The following PTPRT variants were observed in gnomAD, a reference collection of about 807,000 sequenced individuals.
PTPRT encodes the protein receptor-type tyrosine-protein phosphatase T.
In PTPRT, 56 loss-of-function variants were observed where a neutral mutation model predicts 176.8. That is an observed-to-expected ratio of 0.32 (90% CI 0.26 to 0.40). The LOEUF is 0.40. PTPRT is among the 10% of genes least tolerant of loss of function. PTPRT has a pLI of 1.00. For missense variants in PTPRT, 1,540 were observed against 1,908.2 expected (o/e 0.81, Z 3.60); for synonymous variants, 783 against 739.0 (o/e 1.06, Z -0.96).
At chr20:42,205,530 T>A (rs1302719942) in intron 15 of PTPRT, among the ~76,000 whole-genome samples, 1 of 152,108 alleles carries the variant, frequency 6.6e-6, no homozygotes, top group Non-Finnish European at 1.5e-5. Flanking sequence ...AAAGAGGTGG[T>A]GGAGGATCCC....
chr20:43,102,518 G>A (rs1024876362), intron 1 of PTPRT, among the ~76,000 whole-genome samples: 5 of 152,246 alleles, frequency 3.3e-5, no homozygotes, highest in Middle Eastern at 3.4e-3. Context: ...GTATGACAGC[G>A]TCAGTGAGCC....
At chr20:42,895,500 C>A (rs2079279674) in intron 1 of PTPRT, among the ~76,000 whole-genome samples, 1 of 152,164 alleles carries the variant, frequency 6.6e-6, no homozygotes, top group African/African-American at 2.4e-5. Context: ...ATCACATGCA[C>A]AGTCCACGCA....
intron 11 of PTPRT, among the ~76,000 whole-genome samples, chr20:42,318,180 C>T (rs75223843): frequency 2.6e-5 from 4 of 152,112 alleles, no homozygotes; most frequent in East Asian, 1.9e-4. Context: ...AGTCAATAAA[C>T]GTTTAAATTA....
At chr20:42,382,610 G>T (rs1279082050) in intron 9 of PTPRT, among the ~76,000 whole-genome samples, 5 of 152,146 alleles carry the variant, frequency 3.3e-5, no homozygotes, top group Non-Finnish European at 7.3e-5. Context: ...GGAAAACAGG[G>T]GGAGAAGGGG....
At chr20:42,125,567 C>T (rs1211340785) in intron 19 of PTPRT, among the ~76,000 whole-genome samples, 1 of 152,202 alleles carries the variant, frequency 6.6e-6, no homozygotes, top group Non-Finnish European at 1.5e-5. Context: ...GGGCAGAGAA[C>T]TGAAGTTCAG....
At chr20:43,078,763 T>C (rs2146284135) in intron 1 of PTPRT, among the ~76,000 whole-genome samples, 1 of 152,336 alleles carries the variant, frequency 6.6e-6, no homozygotes, top group African/African-American at 2.4e-5. Flanking sequence ...CACAACCAGT[T>C]GCAATATTAA....
intron 1 of PTPRT, among the ~76,000 whole-genome samples, chr20:42,973,586 C>G (rs1982781465): frequency 6.6e-6 from 1 of 152,126 alleles, no homozygotes. Context: ...CGACCTCAGC[C>G]CCTTTTCCCA....
intron 1 of PTPRT, among the ~76,000 whole-genome samples, chr20:43,037,464 G>C (rs1166147257): frequency 6.6e-6 from 1 of 152,190 alleles, no homozygotes; most frequent in African/African-American, 2.4e-5. Context: ...TTCATAAACT[G>C]ATCTACAGCC....
intron 1 of PTPRT, among the ~76,000 whole-genome samples, chr20:43,088,149 CA>C (rs1210114096): frequency 1.3e-5 from 2 of 152,126 alleles, no homozygotes; most frequent in African/African-American, 2.4e-5. Flanking sequence ...TAAATATGTA[CA>C]GTTATTATGT....
intron 1 of PTPRT, among the ~76,000 whole-genome samples, chr20:42,952,073 CGAGA>C (rs1467157599): frequency 6.6e-6 from 1 of 152,174 alleles, no homozygotes; most frequent in African/African-American, 2.4e-5. Context: ...GTCAGAAGGT[CGAGA>C]GAGACTCAAA....
chr20:42,094,707 T>C (rs916594787), intron 27 of PTPRT, among the ~76,000 whole-genome samples: 3 of 152,254 alleles, frequency 2.0e-5, no homozygotes, highest in South Asian at 2.1e-4. Context: ...CTGGCCAACA[T>C]TGGGAAACCC....
intron 2 of PTPRT, among the ~76,000 whole-genome samples, chr20:42,852,925 G>C (rs1421137972): frequency 1.4e-5 from 2 of 141,892 alleles, no homozygotes; most frequent in Non-Finnish European, 3.0e-5. Context: ...GTTCCACCCA[G>C]GTTGCTAGCA....
chr20:42,417,743 TA>T (rs2059079371), intron 9 of PTPRT, among the ~76,000 whole-genome samples: 2 of 151,498 alleles, frequency 1.3e-5, no homozygotes, highest in East Asian at 3.9e-4. Flanking sequence ...TCTATTTATT[TA>T]TTCATTTTTT....
In PTPRT at chr20:42,834,115, T is replaced by A. The variant is rs368897094; in HGVS notation, c.215-42649A>T. Among the ~76,000 whole-genome samples, 23 of 152,226 alleles carry A rather than the reference T, an allele frequency of 1.5e-4. No homozygotes were observed. The East Asian group carries it at 4.4e-3, about 29-fold the overall frequency. ...AAAAAAAAATTAAAAATCCCAGATC[T>A]GACAAAATGCTTATATTTGGATATA... On this transcript the variant is annotated intron_variant, in intron 2 of 30. Transcript: ENST00000373187.
intron 7 of PTPRT, among the ~76,000 whole-genome samples, chr20:42,488,883 G>C (rs1601116702): frequency 6.6e-6 from 1 of 151,426 alleles, no homozygotes; most frequent in Admixed American, 6.6e-5. Context: ...AGAATTGCTT[G>C]AACCTAGGAG....
chr20:42,654,163 G>A (rs1224994812), intron 7 of PTPRT, among the ~76,000 whole-genome samples: 1 of 152,080 alleles, frequency 6.6e-6, no homozygotes, highest in African/African-American at 2.4e-5. Context: ...GGAGAAATCA[G>A]GCTAGGTTTG....
intron 18 of PTPRT, among the ~76,000 whole-genome samples, chr20:42,136,308 AT>A (rs1340347427): frequency 7.0e-6 from 1 of 142,360 alleles, no homozygotes; most frequent in African/African-American, 2.6e-5. Context: ...CTGAAAAACC[AT>A]TTCCTACAAG....
intron 7 of PTPRT, among the ~76,000 whole-genome samples, chr20:42,648,533 G>A (rs1418665198): frequency 6.6e-6 from 1 of 152,098 alleles, no homozygotes; most frequent in Non-Finnish European, 1.5e-5. Context: ...ATGAAGAGTT[G>A]CCCTAGGCCC....
intron 2 of PTPRT, among the ~76,000 whole-genome samples, chr20:42,884,915 A>G (rs2079078486): frequency 6.6e-6 from 1 of 152,092 alleles, no homozygotes; most frequent in South Asian, 2.1e-4. Context: ...AGCCTCTTCA[A>G]GATGCACCTT....
Sources: gnomAD v4.1 joint callset for allele counts (sites outside exome capture counted in the v4.1 genomes callset) on GRCh38, gnomAD v4.1.1 for gene constraint, MANE v1.5 for transcripts, NCBI Gene and HGNC (gene_info 2026-07-23, HGNC 2026-07-21) for gene names.